Variants in CHD6 observed in about 807,000 individuals in gnomAD.
CHD6 encodes ATP-dependent chromatin remodeler CHD6.
A neutral mutation model predicts 276.9 loss-of-function variants in CHD6; 50 were observed. The observed-to-expected ratio is 0.18, with a 90% CI of 0.14 to 0.23. CHD6 has a LOEUF of 0.23. CHD6 is among the 10% of genes least tolerant of loss of function. The pLI is 1.00. For missense variants in CHD6, 2,564 were observed against 3,365.8 expected (o/e 0.76, Z 5.89); for synonymous variants, 1,173 against 1,229.3 (o/e 0.95, Z 0.96).
intron 1 of CHD6, among the ~76,000 whole-genome samples, chr20:41,580,674 C>T (rs1233202272): frequency 8.4e-6 from 1 of 119,392 alleles, no homozygotes; most frequent in African/African-American, 3.6e-5. Flanking sequence ...GAAAAGACAA[C>T]AAAAAATACA....
At chr20:41,594,546 A>G (rs553211137) in intron 1 of CHD6, among the ~76,000 whole-genome samples, 1 of 152,340 alleles carries the variant, frequency 6.6e-6, no homozygotes, top group South Asian at 2.1e-4. Flanking sequence ...AACCATTTTC[A>G]CCACCTAAAA....
chr20:41,409,081 C>G (rs552578957), intron 36 of CHD6, among the ~76,000 whole-genome samples: 32 of 152,226 alleles, frequency 2.1e-4, no homozygotes, highest in Non-Finnish European at 3.4e-4. Flanking sequence ...AATCTTTCTT[C>G]CCCTCTAGAT....
At chr20:41,445,296 A>C (rs1460650905) in intron 25 of CHD6, among the ~76,000 whole-genome samples, 1 of 152,190 alleles carries the variant, frequency 6.6e-6, no homozygotes, top group Non-Finnish European at 1.5e-5. Context: ...AGAAATGCTG[A>C]AACTTAGCAT....
chr20:41,569,087 A>G (rs753863070), intron 1 of CHD6, among the ~76,000 whole-genome samples: 2 of 152,214 alleles, frequency 1.3e-5, no homozygotes, highest in Non-Finnish European at 2.9e-5. Context: ...AGGACATGGC[A>G]TGAGGTGACC....
chr20:41,467,437 C>T (rs921012203), intron 17 of CHD6, among the ~76,000 whole-genome samples: 2 of 152,054 alleles, frequency 1.3e-5, no homozygotes, highest in Admixed American at 1.3e-4. Context: ...TATAATCCCC[C>T]AGCCCTAATC....
intron 10 of CHD6, 24 bp from the exon 11 acceptor site, chr20:41,491,843 AATAG>A (rs769882693): frequency 1.1e-5 from 18 of 1,612,552 alleles, no homozygotes; most frequent in Non-Finnish European, 4.2e-6. Flanking sequence ...CAAACAGCAT[AATAG>A]ATAGAGAATG....
At chr20:41,545,945 C>G (rs1053771772) in intron 2 of CHD6, among the ~76,000 whole-genome samples, 9 of 152,102 alleles carry the variant, frequency 5.9e-5, no homozygotes, top group African/African-American at 2.2e-4. Context: ...CTTCCCTTGG[C>G]CCCCATACTC....
chr20:41,552,125 C>T (rs1478053361), intron 1 of CHD6, among the ~76,000 whole-genome samples: 1 of 152,158 alleles, frequency 6.6e-6, no homozygotes, highest in Admixed American at 6.5e-5. Flanking sequence ...TTTGGGGCTG[C>T]CTGCATCACT....
intron 1 of CHD6, among the ~76,000 whole-genome samples, chr20:41,571,339 G>A (rs762866459): frequency 1.3e-5 from 2 of 151,900 alleles, no homozygotes; most frequent in Non-Finnish European, 1.5e-5. Flanking sequence ...CTCTACTGAC[G>A]GCTTCAGAGT....
chr20:41,501,178 G>C (rs1012115870), intron 5 of CHD6, among the ~76,000 whole-genome samples: 2 of 152,160 alleles, frequency 1.3e-5, no homozygotes, highest in Non-Finnish European at 2.9e-5. Context: ...AGTGCTTTTA[G>C]TTTATGCACT....
intron 1 of CHD6, among the ~76,000 whole-genome samples, chr20:41,606,501 G>A (rs1392421218): frequency 2.7e-5 from 4 of 150,752 alleles, no homozygotes; most frequent in African/African-American, 4.9e-5. Context: ...GCGACGGAGC[G>A]AGACTCTGTC....
chr20:41,494,393 T>A (rs1026843907), intron 8 of CHD6, among the ~76,000 whole-genome samples: 3 of 152,204 alleles, frequency 2.0e-5, no homozygotes, highest in Non-Finnish European at 2.9e-5. Context: ...TACACAAATG[T>A]GTTTACATTG....
chr20:41,614,769 T>C (rs890059915), intron 1 of CHD6: 2 of 152,286 alleles, frequency 1.3e-5, no homozygotes, highest in East Asian at 1.9e-4. Flanking sequence ...CTCCACAACA[T>C]GAACCAAAGA....
chr20:41,596,384 T>C (rs2045717557), intron 1 of CHD6, among the ~76,000 whole-genome samples: 1 of 152,124 alleles, frequency 6.6e-6, no homozygotes, highest in South Asian at 2.1e-4. Context: ...ACGGATCAAA[T>C]TGACCAATTT....
intron 5 of CHD6, among the ~76,000 whole-genome samples, chr20:41,507,359 G>A (rs937259695): frequency 1.3e-5 from 2 of 149,706 alleles, no homozygotes; most frequent in South Asian, 4.2e-4. Context: ...ATTTTCAAGT[G>A]AAAATTAAGG....
At chr20:41,406,696 T>C (rs995833554) in intron 36 of CHD6, among the ~76,000 whole-genome samples, 5 of 152,242 alleles carry the variant, frequency 3.3e-5, no homozygotes, top group Non-Finnish European at 7.3e-5. Flanking sequence ...AAGCGATTTC[T>C]TTCAGGACTT....
Position 41,415,559 on chromosome 20 carries a change from G to A in CHD6, c.6566C>T (p.Ala2189Val), listed in dbSNP as rs201159976. 8 of 1,614,050 alleles carry A rather than the reference G, an allele frequency of 5.0e-6. No individual in the cohort carries two copies. In the African/African-American group the frequency reaches 1.1e-4, roughly 22 times the overall value. ...GAACTGCTCCAGGCCCCGAGCCTTT[G>A]CATCCCTCTCCACCTCAAACTCATA... is the stretch of plus-strand genomic sequence containing the variant. ...RPYEFEVERDAKARGLEQFSA... is the reference protein window; with the variant it reads ...RPYEFEVERDVKARGLEQFSA... Residue 2189 changes from alanine (A) to valine (V), a missense_variant, in exon 34 of 37, where the codon GCA becomes GTA. This residue lies in a region of CHD6 where 1,024 missense variants were observed against 1,047.9 expected (regional missense o/e 0.98). Transcript: ENST00000373233.
At chr20:41,614,869 G>A (rs531202306) in intron 1 of CHD6, 1 of 152,296 alleles carries the variant, frequency 6.6e-6, no homozygotes, top group East Asian at 1.9e-4. Context: ...GAACTCCTAA[G>A]TGCCCCAGGA....
At chr20:41,585,477 C>A (rs1187337311) in intron 1 of CHD6, among the ~76,000 whole-genome samples, 3 of 144,616 alleles carry the variant, frequency 2.1e-5, no homozygotes, top group African/African-American at 7.7e-5. Context: ...CATTGCACTC[C>A]AGCCTTGGCA....
Sources: allele counts gnomAD v4.1 joint callset (sites outside exome capture counted in the v4.1 genomes callset), GRCh38; gene constraint gnomAD v4.1.1; regional missense constraint gnomAD v4.1.1; transcripts MANE v1.5; gene names NCBI Gene and HGNC (gene_info 2026-07-23, HGNC 2026-07-21).